The following LIPF variants were observed in gnomAD, a reference collection of about 807,000 sequenced individuals.
LIPF encodes gastric triacylglycerol lipase.
LIPF carries 25 observed loss-of-function variants against 38.0 expected under a neutral mutation model. The ratio of observed to expected loss-of-function variants is 0.66; its 90% CI spans 0.48 to 0.92. The LOEUF is 0.92. LIPF is among the 40% of genes least tolerant of loss of function. The probability of loss-of-function intolerance (pLI) is 0.00; values close to 1 mark genes in which losing one functional copy is unlikely to be tolerated. For synonymous variants in LIPF, 161 were observed against 156.2 expected (o/e 1.03, Z -0.23); for missense variants, 410 against 469.9 (o/e 0.87, Z 1.18).
intron 7 of LIPF, among the ~76,000 whole-genome samples, chr10:88,674,391 A>G (rs1445574457): frequency 6.6e-6 from 1 of 150,970 alleles, no homozygotes; most frequent in East Asian, 2.0e-4. Context: ...GATGGTCTCA[A>G]TTTCCTGACC....
chr10:88,675,828 T>C (rs1433440869), intron 8 of LIPF, among the ~76,000 whole-genome samples, 171 bp downstream of exon 8: 1 of 147,970 alleles, frequency 6.8e-6, no homozygotes, highest in Admixed American at 6.8e-5. Flanking sequence ...AAAATGCTTT[T>C]TATTTTATTT....
intron 1 of LIPF, among the ~76,000 whole-genome samples, chr10:88,665,830 G>A (rs531356654): frequency 8.2e-4 from 111 of 134,710 alleles, no homozygotes; most frequent in Middle Eastern, 4.6e-3. Flanking sequence ...TGCAACCTCC[G>A]CCTCCTCGGT....
At chr10:88,669,374 A>T (rs1316504538) in intron 4 of LIPF, 4 of 159,642 alleles carry the variant, frequency 2.5e-5, no homozygotes, top group Non-Finnish European at 5.5e-5. Flanking sequence ...CAGATGGGGC[A>T]GTAGTGGTGA....
Position 88,664,715 on chromosome 10 carries a change from G to A in LIPF, c.-12+224G>A, listed in dbSNP as rs553967555. ...TGGAATGACAAATTTGTTTATTATT[G>A]CAATTAGTGCCTAATGTGAAAGTCT... On this transcript the variant is annotated intron_variant, in intron 1 of 9. Transcript: ENST00000238983. Among the ~76,000 whole-genome samples the A allele has an allele frequency of 1.7e-4, 26 of 152,016 alleles. 1 individual carries two copies. In the South Asian group the frequency reaches 3.1e-3, roughly 18 times the overall value.
chr10:88,668,762 C>CA lies in LIPF; in HGVS notation c.422+10dup. The CA allele has an allele frequency of 6.2e-7, 1 of 1,610,516 alleles. No individual in the cohort carries two copies. Among genetic ancestry groups the CA allele is most frequent in the Non-Finnish European group, 8.5e-7 (1 of 1,177,192 alleles). On this transcript the variant is annotated splice_region_variant and intron_variant, in intron 4 of 9. Coordinates refer to ENST00000238983, the MANE Select transcript of LIPF (RefSeq NM_004190.4). ...GTTGAATTCTGGGCTTTCAGGTAAA[C>CA]AAAAGGGACAATTAAAAATAAACAC...
chr10:88,674,615 CG>C (rs1841657811), intron 7 of LIPF, among the ~76,000 whole-genome samples: 1 of 152,192 alleles, frequency 6.6e-6, no homozygotes, highest in African/African-American at 2.4e-5. Flanking sequence ...CTGACTTAAA[CG>C]TCTCTGTCTT....
chr10:88,676,106 T>G, intron 8 of LIPF, 103 bp from the exon 9 acceptor site: 3 of 649,058 alleles, frequency 4.6e-6, no homozygotes. Flanking sequence ...AAATGTTTCT[T>G]AATAATTGTT....
Position 88,668,590 on chromosome 10 carries a change from T to A in LIPF, c.256T>A (p.Leu86Met). Residue 86 changes from leucine to methionine, a missense_variant, in exon 4 of 10, where the codon TTG becomes ATG. Coordinates refer to ENST00000238983, the MANE Select transcript of LIPF (RefSeq NM_004190.4). ...QRPVVFLQHG[L>M]LASATNWISN... ...ACCTGTTGTGTTTTTGCAGCATGGT[T>A]TGCTTGCATCAGCCACAAACTGGAT... 1 of 1,614,226 alleles carries A rather than the reference T, an allele frequency of 6.2e-7. No individual in the cohort carries two copies. The highest frequency in any genetic ancestry group is 8.5e-7 in the Non-Finnish European group (1 of 1,180,016).
intron 5 of LIPF, 60 bp from the exon 6 acceptor site, chr10:88,671,769 C>CAAA: frequency 3.2e-6 from 5 of 1,546,412 alleles, no homozygotes; most frequent in Non-Finnish European, 4.3e-6. Flanking sequence ...TAAAAACAAA[C>CAAA]AAAACAACAA....
chr10:88,671,709 AGG>A, intron 5 of LIPF, 118 bp from the exon 6 acceptor site: 1 of 1,329,496 alleles, frequency 7.5e-7, no homozygotes, highest in Non-Finnish European at 1.0e-6. Context: ...CCAATTTCTC[AGG>A]CTGTCTCAAA....
intron 7 of LIPF, among the ~76,000 whole-genome samples, chr10:88,674,956 T>C (rs1163844896): frequency 6.6e-6 from 1 of 151,728 alleles, no homozygotes; most frequent in Non-Finnish European, 1.5e-5. Context: ...TTAGTGAGAG[T>C]CTTATAAGAA....
intron 6 of LIPF, among the ~76,000 whole-genome samples, chr10:88,672,666 A>T (rs200339794): frequency 0.02 from 2,370 of 121,498 alleles, 43 homozygotes; most frequent in Middle Eastern, 0.088. Flanking sequence ...ACACACACAC[A>T]CACACTCTCT....
At position 88,668,010 on chromosome 10, in the gene LIPF, T is replaced by C. The variant is rs1590109201; in HGVS notation, c.223+324T>C. ...TTTTAATAAAATTACCTAACTCAGC[T>C]AAGGGAGTCAAGGAAAGCTCACTCT... is the stretch of plus-strand genomic sequence containing the variant. On this transcript the variant is annotated intron_variant, in intron 3 of 9. Coordinates refer to ENST00000238983, the MANE Select transcript of LIPF (RefSeq NM_004190.4). Among the ~76,000 whole-genome samples the C allele has an allele frequency of 4.6e-5, 7 of 152,252 alleles. 1 individual carries two copies. In the South Asian group the frequency reaches 1.5e-3, roughly 32 times the overall value.
chr10:88,671,782 A>G (rs924392342), intron 5 of LIPF, 47 bp from the exon 6 acceptor site: 5 of 1,569,404 alleles, frequency 3.2e-6, no homozygotes, highest in Middle Eastern at 1.7e-4. Flanking sequence ...AACAACAACA[A>G]CAACACACAC....
intron 3 of LIPF, 84 bp from the exon 4 acceptor site, chr10:88,668,474 T>G: frequency 8.7e-7 from 1 of 1,154,282 alleles, no homozygotes; most frequent in African/African-American, 1.5e-5. Flanking sequence ...TTAGTGCTAG[T>G]CATATGGAAG....
chr10:88,672,656 ACACACACACACACACT>A (rs1231900120), intron 6 of LIPF, among the ~76,000 whole-genome samples: 7 of 138,488 alleles, frequency 5.1e-5, no homozygotes, highest in African/African-American at 8.9e-5. Context: ...ACACACACAC[ACACACACACACACACT>A]CTCTCTCTCT....
In LIPF at chr10:88,667,327, G is replaced by C. The variant is rs1162496721; in HGVS notation, c.30G>C (p.Leu10Phe). MWLLLTMAS[L>F]ISVLGTTHGL... ...GGCTGCTTTTAACAATGGCAAGTTT[G>C]ATATCTGTACTGGGGACTACACATG... The change falls in exon 2 of 10, where the codon TTG (leucine) becomes TTC (phenylalanine). Residue 10 changes from leucine to phenylalanine, a missense_variant. By Grantham distance (22) the Leu-to-Phe change is conservative. Transcript: ENST00000238983. The C allele has an allele frequency of 1.1e-5, 18 of 1,613,004 alleles. No individual in the cohort carries two copies. Among genetic ancestry groups the C allele is most frequent in the Non-Finnish European group, 1.4e-5 (16 of 1,179,430 alleles).
intron 5 of LIPF, 38 bp downstream of exon 5, chr10:88,669,984 C>A: frequency 1.5e-6 from 2 of 1,326,950 alleles, no homozygotes; most frequent in South Asian, 1.2e-5. Context: ...GTTTACTTCT[C>A]ATAAACACTT....
rs745852617 is a variant in LIPF, at chr10:88,678,523, G to A, written c.1039G>A (p.Asp347Asn). The A allele has an allele frequency of 3.7e-6, 6 of 1,613,812 alleles. No individual in the cohort carries two copies. Among genetic ancestry groups the A allele is most frequent in the Admixed American group, 1.7e-5 (1 of 59,974 alleles). ...VWNGGKDLLA[D>N]PQDVGLLLPK... ...GAACGGTGGCAAGGACCTGTTGGCT[G>A]ACCCCCAAGATGTTGGCCTTTTGCT... is the stretch of plus-strand genomic sequence containing the variant. Residue 347 changes from aspartate (D) to asparagine (N), a missense_variant, in exon 10 of 10, where the codon GAC becomes AAC. Physicochemically the swap from Asp to Asn is conservative, Grantham distance 23. Transcript: ENST00000238983.
Sources: gnomAD v4.1 joint callset for allele counts (sites outside exome capture counted in the v4.1 genomes callset) on GRCh38, gnomAD v4.1.1 for gene constraint, MANE v1.5 for transcripts, NCBI Gene and HGNC (gene_info 2026-07-23, HGNC 2026-07-21) for gene names.